The following ZMAT4 variants were observed in gnomAD, a reference collection of about 807,000 sequenced individuals.
ZMAT4 encodes the protein zinc finger matrin-type protein 4.
Under a neutral mutation model 28.7 loss-of-function variants are expected in ZMAT4, and 17 were observed. That is an observed-to-expected ratio of 0.59 (90% CI 0.41 to 0.89). The LOEUF (loss-of-function observed/expected upper bound fraction) is 0.89, where lower values mean the gene tolerates loss of function less well. Ranked by LOEUF, ZMAT4 falls within the 40% of genes least tolerant of loss-of-function variation. ZMAT4 has a pLI of 0.00. For synonymous variants in ZMAT4, 117 were observed against 109.2 expected, an observed-to-expected ratio of 1.07 and a Z score of -0.44; for missense variants, 240 against 283.8, an observed-to-expected ratio of 0.85 and a Z score of 1.11.
intron 2 of ZMAT4, among the ~76,000 whole-genome samples, chr8:40,773,940 T>C (rs1813488654): frequency 6.6e-6 from 1 of 151,566 alleles, no homozygotes; most frequent in Non-Finnish European, 1.5e-5. Context: ...GACAAATACA[T>C]GGAATATAAT....
chr8:40,699,649 G>C (rs1029555055), intron 3 of ZMAT4, among the ~76,000 whole-genome samples: 7 of 150,818 alleles, frequency 4.6e-5, no homozygotes, highest in Non-Finnish European at 1.0e-4. Flanking sequence ...CCATAAAAAA[G>C]AATGAAATCA....
rs747546442 is a variant in ZMAT4 at position 40,820,344 on chromosome 8, TTATG to T, written c.102+5227_102+5230del. Reference sequence around the variant, plus strand: ...TGTGTGTATATGTGTATGTGTGTGTTTATGTGTGTGTTTGTGTGTGTCTACGTGT... The same window carrying T: ...TGTGTGTATATGTGTATGTGTGTGTTTGTGTGTTTGTGTGTGTCTACGTGT... On this transcript the variant is annotated intron_variant, in intron 2 of 6. Transcript: ENST00000297737. 2.7e-5 allele frequency among the ~76,000 whole-genome samples: 4 copies of T among 148,446 alleles called. 1 individual carries two copies. Among genetic ancestry groups the T allele is most frequent in the South Asian group, 4.4e-4 (2 of 4,596 alleles).
intron 1 of ZMAT4, among the ~76,000 whole-genome samples, chr8:40,891,671 C>A (rs1208211953): frequency 3.3e-5 from 5 of 152,116 alleles, no homozygotes; most frequent in Admixed American, 6.5e-5. Flanking sequence ...GGAGAAAAAA[C>A]CCCTCTTCCT....
intron 5 of ZMAT4, among the ~76,000 whole-genome samples, chr8:40,600,750 C>A (rs1004637537): frequency 6.6e-6 from 1 of 152,182 alleles, no homozygotes; most frequent in African/African-American, 2.4e-5. Flanking sequence ...AGTCCTGATA[C>A]CAGGGCCTTT....
At position 40,639,108 on chromosome 8, in the gene ZMAT4, A is replaced by T. The variant is rs147049856; in HGVS notation, c.577+35596T>A. Reference sequence around the variant, plus strand: ...CTGCTGCTTCTTGGGCTGACCTGGCAATGGGAGGGACATATGCTGCAGACA... The same window carrying T: ...CTGCTGCTTCTTGGGCTGACCTGGCTATGGGAGGGACATATGCTGCAGACA... On this transcript the variant is annotated intron_variant, in intron 5 of 6. Coordinates refer to ENST00000297737, the MANE Select transcript of ZMAT4 (RefSeq NM_024645.3). 2.9e-3 allele frequency among the ~76,000 whole-genome samples: 439 copies of T among 152,326 alleles called. 4 individuals carry two copies. Among genetic ancestry groups the T allele is most frequent in the African/African-American group, 1.0e-2 (414 of 41,576 alleles).
intron 5 of ZMAT4, among the ~76,000 whole-genome samples, chr8:40,633,482 T>G (rs1806673679): frequency 6.6e-6 from 1 of 152,034 alleles, no homozygotes; most frequent in Admixed American, 6.6e-5. Context: ...GGACAAGGGG[T>G]GACCAGAAGA....
At chr8:40,553,622 T>C (rs6983903) in intron 6 of ZMAT4, among the ~76,000 whole-genome samples, 6,517 of 152,188 alleles carry the variant, frequency 0.043, 483 homozygotes, top group African/African-American at 0.15. Context: ...ATTTCATCCT[T>C]ACAATAATTC....
intron 5 of ZMAT4, among the ~76,000 whole-genome samples, chr8:40,667,068 T>C (rs1261865955): frequency 1.3e-5 from 2 of 151,998 alleles, no homozygotes; most frequent in Non-Finnish European, 2.9e-5. Flanking sequence ...TGTAAAGAAA[T>C]GTAAAGATGC....
intron 2 of ZMAT4, among the ~76,000 whole-genome samples, chr8:40,802,751 A>T (rs1287846173): frequency 1.3e-5 from 2 of 152,168 alleles, no homozygotes; most frequent in African/African-American, 4.8e-5. Context: ...AGAGGCAAAA[A>T]ACCAAAATAG....
chr8:40,815,055 A>C (rs1771731807), intron 2 of ZMAT4, among the ~76,000 whole-genome samples: 1 of 152,162 alleles, frequency 6.6e-6, no homozygotes, highest in South Asian at 2.1e-4. Context: ...CAGGCAGATC[A>C]CTTGAGGTCA....
intron 1 of ZMAT4, among the ~76,000 whole-genome samples, chr8:40,868,348 C>CTGCAGCTCCT (rs111893637): frequency 6.6e-6 from 1 of 152,310 alleles, no homozygotes; most frequent in African/African-American, 2.4e-5. Context: ...TCCTCTGTGC[C>CTGCAGCTCCT]TGCAGCTCCT....
chr8:40,654,215 CTGCCA>C (rs1471829850), intron 5 of ZMAT4, among the ~76,000 whole-genome samples: 2 of 152,144 alleles, frequency 1.3e-5, no homozygotes, highest in African/African-American at 4.8e-5. Flanking sequence ...CAGAGACTCC[CTGCCA>C]TGCTGCTGAG....
rs117929940 is a variant in ZMAT4 at position 40,597,392 on chromosome 8, G to T, written c.578-16131C>A. Among the ~76,000 whole-genome samples the T allele has an allele frequency of 6.6e-5, 10 of 152,300 alleles. No individual in the cohort carries two copies. In the East Asian group the frequency reaches 1.9e-3, roughly 29 times the overall value. On this transcript the variant is annotated intron_variant, in intron 5 of 6. Transcript: ENST00000297737. ...AGAGAGACTGGTGTGCAGGCCACTTGCAATAACTCAGATTGGAAAATTGGG... is the reference window on the plus strand; with the variant it reads ...AGAGAGACTGGTGTGCAGGCCACTTTCAATAACTCAGATTGGAAAATTGGG...
chr8:40,881,491 GA>G (rs1563263542), intron 1 of ZMAT4, among the ~76,000 whole-genome samples: 26 of 131,630 alleles, frequency 2.0e-4, no homozygotes, highest in African/African-American at 7.2e-4. Flanking sequence ...AAGAAAGAAA[GA>G]AAGAAAGAGG....
In ZMAT4 at chr8:40,697,278, A is replaced by T. The variant is rs139908408; in HGVS notation, c.316T>A (p.Leu106Met). The part of the protein sequence containing the change: ...GKIHAKRLKL[L>M]LGEKTPLKTT... ...TTTAATGGGGTCTTCTCTCCTAGCA[A>T]GAGTTTTAACCTCTTGGCGTGGATT... Residue 106 changes from leucine (L) to methionine (M), a missense_variant, in exon 4 of 7, where the codon TTG becomes ATG. Physicochemically the swap from Leu to Met is conservative, Grantham distance 15. Coordinates refer to ENST00000297737, the MANE Select transcript of ZMAT4 (RefSeq NM_024645.3). 219 of 1,613,112 alleles carry T rather than the reference A, an allele frequency of 1.4e-4. 1 individual carries two copies. Among genetic ancestry groups the T allele is most frequent in the Middle Eastern group, 3.3e-4 (2 of 6,072 alleles).
intron 1 of ZMAT4, among the ~76,000 whole-genome samples, chr8:40,848,036 G>C (rs1563524836): frequency 6.6e-6 from 1 of 152,176 alleles, no homozygotes; most frequent in Non-Finnish European, 1.5e-5. Flanking sequence ...TGTAAATGAG[G>C]AGCGGTTTAT....
At chr8:40,646,278 T>C (rs1235024731) in intron 5 of ZMAT4, among the ~76,000 whole-genome samples, 1 of 152,018 alleles carries the variant, frequency 6.6e-6, no homozygotes, top group Admixed American at 6.5e-5. Context: ...CGTGCTTTTT[T>C]TCATGTAATT....
intron 6 of ZMAT4, among the ~76,000 whole-genome samples, chr8:40,546,748 C>T (rs76494803): frequency 0.036 from 5,511 of 152,172 alleles, 183 homozygotes; most frequent in East Asian, 0.13. Context: ...CTCCAGAGCT[C>T]GGTGTGAGCT....
chr8:40,771,547 A>G (rs1813391016), intron 2 of ZMAT4, among the ~76,000 whole-genome samples: 1 of 152,234 alleles, frequency 6.6e-6, no homozygotes, highest in Non-Finnish European at 1.5e-5. Context: ...GTTAATGTAT[A>G]CTGGTATAAT....
Sources: allele counts gnomAD v4.1 joint callset (sites outside exome capture counted in the v4.1 genomes callset), GRCh38; gene constraint gnomAD v4.1.1; transcripts MANE v1.5; gene names NCBI Gene and HGNC (gene_info 2026-07-23, HGNC 2026-07-21).